Variants in IQSEC1 observed in about 807,000 individuals in gnomAD.
The protein encoded by IQSEC1 is IQ motif and SEC7 domain-containing protein 1.
IQSEC1 carries 31 observed loss-of-function variants against 91.0 expected under a neutral mutation model. The observed-to-expected ratio is 0.34, with a 90% CI of 0.26 to 0.46. IQSEC1 has a LOEUF of 0.46. Ranked by LOEUF, IQSEC1 falls within the 20% of genes least tolerant of loss-of-function variation. IQSEC1 has a pLI of 1.00. For missense variants in IQSEC1, 1,388 were observed against 1,575.6 expected (o/e 0.88, Z 2.02); for synonymous variants, 699 against 662.6 (o/e 1.05, Z -0.84).
chr3:12,929,708 T>G (rs1697498554), intron 3 of IQSEC1, among the ~76,000 whole-genome samples: 1 of 152,182 alleles, frequency 6.6e-6, no homozygotes, highest in Non-Finnish European at 1.5e-5. Context: ...TCTTTAGCTC[T>G]TCTTGATTCC....
At chr3:13,245,571 G>A (rs6442361) in intron 1 of IQSEC1, among the ~76,000 whole-genome samples, 54,175 of 151,944 alleles carry the variant, frequency 0.36, 12,229 homozygotes, top group African/African-American at 0.65. Context: ...GTTCAAGACC[G>A]GCCTGGCCAA....
chr3:12,980,920 T>A (rs1272975167), intron 1 of IQSEC1, among the ~76,000 whole-genome samples: 1 of 152,208 alleles, frequency 6.6e-6, no homozygotes, highest in Admixed American at 6.5e-5. Context: ...CCTCTTGACC[T>A]CAGGAGGGAC....
At chr3:13,250,182 C>T (rs1576310420) in intron 1 of IQSEC1, among the ~76,000 whole-genome samples, 2 of 152,170 alleles carry the variant, frequency 1.3e-5, no homozygotes, top group East Asian at 3.9e-4. Flanking sequence ...AAAAGCTCTG[C>T]AGATTCAACG....
intron 2 of IQSEC1, among the ~76,000 whole-genome samples, chr3:13,093,234 T>G (rs1365786123): frequency 6.6e-6 from 1 of 151,814 alleles, no homozygotes; most frequent in African/African-American, 2.4e-5. Flanking sequence ...AAAGGAGACA[T>G]CGTCCCTCAG....
At chr3:13,006,105 T>C (rs1334927749) in intron 1 of IQSEC1, among the ~76,000 whole-genome samples, 2 of 152,178 alleles carry the variant, frequency 1.3e-5, no homozygotes, top group Non-Finnish European at 2.9e-5. Context: ...ATGATACATA[T>C]CTTGTGATTG....
chr3:13,191,631 T>C (rs1452276570), intron 1 of IQSEC1, among the ~76,000 whole-genome samples: 2 of 152,288 alleles, frequency 1.3e-5, no homozygotes, highest in East Asian at 1.9e-4. Flanking sequence ...ACAGTTTGCA[T>C]GTGGCCCAAA....
At chr3:13,146,815 C>T (rs1326916282) in intron 2 of IQSEC1, among the ~76,000 whole-genome samples, 1 of 152,164 alleles carries the variant, frequency 6.6e-6, no homozygotes, top group Non-Finnish European at 1.5e-5. Context: ...GGCTGGGTGA[C>T]AGAGTGAGAC....
rs554676356 is a variant in IQSEC1, at chr3:12,950,515, T to A, written c.24-8650A>T. ...GACCCTGTCTCCACAAAACATTTTT[T>A]AAAAATATTAGCTGGGCATGATGGC... On this transcript the variant is annotated intron_variant, in intron 1 of 13. Coordinates refer to ENST00000613206, the MANE Select transcript of IQSEC1 (RefSeq NM_001134382.3). Among the ~76,000 whole-genome samples, 465 of 152,176 alleles carry A rather than the reference T, an allele frequency of 3.1e-3. 5 individuals carry two copies. The highest frequency in any genetic ancestry group is 0.011 in the African/African-American group (443 of 41,506).
In IQSEC1 at chr3:12,900,086, T is replaced by C. The variant is rs1460492729; in HGVS notation, c.*897A>G. 1.0e-6 allele frequency: 1 copy of C among 981,840 alleles called. No homozygotes were observed. Among genetic ancestry groups the C allele is most frequent in the Non-Finnish European group, 1.2e-6 (1 of 826,864 alleles). The allele number at this position is 981,840 out of a possible 1,614,324, so 60.8% of individuals were successfully genotyped here. A position where few individuals can be genotyped will look rare whatever the true frequency, so the allele number is the denominator to read the frequency against. On this transcript the variant is annotated 3_prime_UTR_variant, in exon 14 of 14. Transcript: ENST00000613206. The stretch of plus-strand genomic sequence containing the variant: ...GCTGTCCTGAGTTGCTACTGTAGAG[T>C]GTACTGCAGTTTAGCTATTTGCTTA...
At chr3:13,087,833 T>G (rs1056801469) in intron 2 of IQSEC1, among the ~76,000 whole-genome samples, 1 of 152,224 alleles carries the variant, frequency 6.6e-6, no homozygotes, top group South Asian at 2.1e-4. Flanking sequence ...TGGCAGAAGG[T>G]GGAAGGGCCA....
At chr3:13,086,711 T>A (rs1220103761) in intron 2 of IQSEC1, among the ~76,000 whole-genome samples, 1 of 152,136 alleles carries the variant, frequency 6.6e-6, no homozygotes, top group Admixed American at 6.5e-5. Context: ...CTCCCTCAGC[T>A]CTCTGCACAG....
In IQSEC1 at chr3:12,908,023, C is replaced by A. The variant is rs188369798; in HGVS notation, c.2755+326G>T. Reference sequence around the variant, plus strand: ...CACAGAGAGCACGGGACACAGCCGCCGGCTCACTCGGGCTAGAGCGACTTC... The same window carrying A: ...CACAGAGAGCACGGGACACAGCCGCAGGCTCACTCGGGCTAGAGCGACTTC... On this transcript the variant is annotated intron_variant, in intron 12 of 13. Transcript: ENST00000613206. This position sits in a 1 kb window ranked among gnomAD's most constrained non-coding sequence, Gnocchi z 4.9. Among the ~76,000 whole-genome samples, 1 of 152,168 alleles carries A rather than the reference C, an allele frequency of 6.6e-6. No homozygotes were observed. The highest frequency in any genetic ancestry group is 2.4e-5 in the African/African-American group (1 of 41,434).
chr3:13,025,941 A>C (rs1011777368), intron 1 of IQSEC1, among the ~76,000 whole-genome samples: 2 of 152,116 alleles, frequency 1.3e-5, no homozygotes, highest in Non-Finnish European at 2.9e-5. Context: ...GCCCTCCCAG[A>C]TCTCCAGGCC....
chr3:13,170,641 G>A (rs1202991498), intron 1 of IQSEC1, among the ~76,000 whole-genome samples: 2 of 152,346 alleles, frequency 1.3e-5, no homozygotes, highest in Non-Finnish European at 2.9e-5. Flanking sequence ...GGCCGCTCTA[G>A]TCCAGTAGGA....
chr3:13,042,900 A>G (rs1000494413), intron 1 of IQSEC1, among the ~76,000 whole-genome samples: 1 of 152,112 alleles, frequency 6.6e-6, no homozygotes, highest in African/African-American at 2.4e-5. Flanking sequence ...TGACAGGCAA[A>G]CACTGGCCTC....
At chr3:13,250,420 C>T (rs58102175) in intron 1 of IQSEC1, among the ~76,000 whole-genome samples, 11,822 of 135,432 alleles carry the variant, frequency 0.087, 764 homozygotes, top group African/African-American at 0.18. Flanking sequence ...CCCCACTTTC[C>T]TTTTTTTTTT....
chr3:13,262,222 G>A (rs914993704), intron 1 of IQSEC1, among the ~76,000 whole-genome samples: 14 of 152,208 alleles, frequency 9.2e-5, no homozygotes, highest in African/African-American at 2.9e-4. Flanking sequence ...ACTATGCACC[G>A]GGGTCTGTGC....
At chr3:13,234,021 G>A (rs1039260472) in intron 1 of IQSEC1, among the ~76,000 whole-genome samples, 2 of 152,224 alleles carry the variant, frequency 1.3e-5, no homozygotes, top group Non-Finnish European at 2.9e-5. Flanking sequence ...CGAAACTGAC[G>A]CGCTCTGCAT....
chr3:12,929,062 T>C lies in IQSEC1; in HGVS notation c.1569-4320A>G, dbSNP rs529263740. ...GATAAAGTCCAAGAATACAGAAATATGCTACAGTACAAGCATCAGGGGCAT... is the reference window on the plus strand; with the variant it reads ...GATAAAGTCCAAGAATACAGAAATACGCTACAGTACAAGCATCAGGGGCAT... On this transcript the variant is annotated intron_variant, in intron 3 of 13. Transcript: ENST00000613206. Among the ~76,000 whole-genome samples, 3 of 152,200 alleles carry C rather than the reference T, an allele frequency of 2.0e-5. No individual in the cohort carries two copies. In the East Asian group the frequency reaches 5.8e-4, roughly 29 times the overall value.
Sources: gnomAD v4.1 joint callset for allele counts (sites outside exome capture counted in the v4.1 genomes callset) on GRCh38, gnomAD v4.1.1 for gene constraint, Gnocchi (gnomAD v3.1) non-coding constraint, MANE v1.5 for transcripts, NCBI Gene and HGNC (gene_info 2026-07-23, HGNC 2026-07-21) for gene names.